The following LZTFL1 variants were observed in gnomAD, a reference collection of about 807,000 sequenced individuals.
The protein encoded by LZTFL1 is leucine zipper transcription factor-like protein 1.
A neutral mutation model predicts 45.9 loss-of-function variants in LZTFL1; 25 were observed. The observed-to-expected ratio is 0.54, with a 90% CI of 0.40 to 0.76. The LOEUF (loss-of-function observed/expected upper bound fraction) is 0.76. LZTFL1 is among the 30% of genes least tolerant of loss of function. The pLI is 0.00. For synonymous variants in LZTFL1, 93 were observed against 117.4 expected (o/e 0.79, Z 1.35); for missense variants, 277 against 331.1 (o/e 0.84, Z 1.27).
At chr3:45,844,766 A>C (rs1212452173), upstream of LZTFL1, among the ~76,000 whole-genome samples, 1 of 152,250 alleles carries the variant, frequency 6.6e-6, no homozygotes, top group African/African-American at 2.4e-5. Context: ...TGAAGTAGGC[A>C]AGAGGCTATT....
upstream of LZTFL1, among the ~76,000 whole-genome samples, chr3:45,842,936 C>CA (rs1701155871): frequency 6.6e-6 from 1 of 152,210 alleles, no homozygotes; most frequent in African/African-American, 2.4e-5. Flanking sequence ...ACCAGGGACT[C>CA]AGAGTCCTTC....
intron 2 of LZTFL1, among the ~76,000 whole-genome samples, chr3:45,836,690 T>C (rs1468096406): frequency 1.3e-5 from 2 of 152,076 alleles, no homozygotes; most frequent in Non-Finnish European, 2.9e-5. Context: ...TACTCTTACA[T>C]AGAGAATGCT....
In LZTFL1 at chr3:45,895,184, T is replaced by C. The variant is rs565975779; in HGVS notation, c.-215+17936A>G. ...GGTATGTTGTGGAGACAGAGGAAAA[T>C]GTGGTGTTATAAACAGCTAAGGATT... On this transcript the variant is annotated intron_variant, in intron 2 of 4. Transcript: ENST00000472635. The C allele has an allele frequency of 7.4e-4, 420 of 567,138 alleles. 1 individual carries two copies. Among genetic ancestry groups the C allele is most frequent in the Non-Finnish European group, 7.7e-4 (244 of 318,916 alleles). The allele number at this position is 567,138 out of a possible 1,614,324, so 35.1% of individuals were successfully genotyped here. A position where few individuals can be genotyped will look rare whatever the true frequency, so the allele number is the denominator to read the frequency against.
At chr3:45,880,564 AC>A (rs1410456297) in intron 2 of LZTFL1, among the ~76,000 whole-genome samples, 1 of 152,116 alleles carries the variant, frequency 6.6e-6, no homozygotes, top group Admixed American at 6.6e-5. Context: ...CTTTCTGTAC[AC>A]CTGGCATCAG....
At chr3:45,897,626 C>A in intron 2 of LZTFL1, 1 of 1,534,530 alleles carries the variant, frequency 6.5e-7, no homozygotes. Flanking sequence ...CCTTCCAGGA[C>A]CTTAGCCCAG....
intron 2 of LZTFL1, among the ~76,000 whole-genome samples, chr3:45,907,822 CTG>C (rs1702711004): frequency 6.6e-6 from 1 of 152,212 alleles, no homozygotes. Context: ...CAGCCACGGA[CTG>C]TGCGTGTTCT....
Position 45,842,094 on chromosome 3 carries a change from G to A in LZTFL1, c.-103C>T, listed in dbSNP as rs551085477. 2.6e-6 allele frequency: 4 copies of A among 1,565,478 alleles called. No individual in the cohort carries two copies. The highest frequency in any genetic ancestry group is 2.4e-5 in the East Asian group (1 of 42,334). The stretch of plus-strand genomic sequence containing the variant: ...TAGTTGGACCACAGAAAATGGGGAA[G>A]GAGGGTAGGTTGTTTAGAAGCCTCT... On this transcript the variant is annotated 5_prime_UTR_variant, in exon 1 of 10. Transcript: ENST00000296135.
intron 2 of LZTFL1, among the ~76,000 whole-genome samples, chr3:45,890,446 G>A (rs1199564328): frequency 1.4e-5 from 2 of 145,036 alleles, no homozygotes; most frequent in African/African-American, 2.6e-5. Flanking sequence ...AAAATTTGCT[G>A]AGTTGAGGTC....
At chr3:45,897,531 T>G in intron 2 of LZTFL1, 2 of 1,469,596 alleles carry the variant, frequency 1.4e-6, no homozygotes, top group Non-Finnish European at 9.2e-7. Flanking sequence ...CTGGGATTTC[T>G]GCACAATTTC....
intron 2 of LZTFL1, among the ~76,000 whole-genome samples, chr3:45,887,883 AT>A (rs1702030851): frequency 6.6e-6 from 1 of 151,432 alleles, no homozygotes; most frequent in South Asian, 2.1e-4. Flanking sequence ...AAGCAGAGCT[AT>A]GAAAAAATGT....
intron 1 of LZTFL1, among the ~76,000 whole-genome samples, chr3:45,839,939 T>C (rs556448502): frequency 1.3e-5 from 2 of 152,350 alleles, no homozygotes; most frequent in African/African-American, 4.8e-5. Flanking sequence ...ACCTAGCATA[T>C]ATAATCTCTG....
intron 2 of LZTFL1, among the ~76,000 whole-genome samples, chr3:45,896,239 G>C (rs1245053884): frequency 6.6e-6 from 1 of 152,220 alleles, no homozygotes; most frequent in Non-Finnish European, 1.5e-5. Flanking sequence ...GGCTGCTTCT[G>C]AGCTTGCCAG....
chr3:45,897,044 A>G (rs1702378107), intron 2 of LZTFL1, among the ~76,000 whole-genome samples: 1 of 152,162 alleles, frequency 6.6e-6, no homozygotes, highest in African/African-American at 2.4e-5. Context: ...AGGACTCCTG[A>G]GGGAAGAGGA....
At chr3:45,867,147 CAAAAAAAA>C (rs58937842) in intron 2 of LZTFL1, among the ~76,000 whole-genome samples, 1 of 63,258 alleles carries the variant, frequency 1.6e-5, no homozygotes, top group South Asian at 6.2e-4. Flanking sequence ...GACTCAATCT[CAAAAAAAA>C]AAAAAAAAAA....
chr3:45,841,704 A>G, intron 1 of LZTFL1: 1 of 561,186 alleles, frequency 1.8e-6, no homozygotes, highest in Non-Finnish European at 3.2e-6. Flanking sequence ...CCTGCCACCT[A>G]AGAGTTGTGC....
intron 2 of LZTFL1, among the ~76,000 whole-genome samples, chr3:45,880,058 T>C (rs1033440443): frequency 6.6e-6 from 1 of 152,106 alleles, no homozygotes. Flanking sequence ...GAAGGGACAG[T>C]GACAGGCAGA....
intron 3 of LZTFL1, among the ~76,000 whole-genome samples, chr3:45,857,132 A>C (rs1483691218): frequency 6.6e-6 from 1 of 152,250 alleles, no homozygotes; most frequent in African/African-American, 2.4e-5. Context: ...AATGCTCATC[A>C]ATGATAGACT....
rs1165865637 is a variant in LZTFL1, at chr3:45,831,210, C to T, written c.457-72G>A. 7.1e-5 allele frequency: 59 copies of T among 834,844 alleles called. 1 individual carries two copies. The East Asian group carries it at 1.6e-3, about 23-fold the overall frequency. The allele number at this position is 834,844 out of a possible 1,614,324, so 51.7% of individuals were successfully genotyped here. A position where few individuals can be genotyped will look rare whatever the true frequency, so the allele number is the denominator to read the frequency against. On this transcript the variant is annotated intron_variant, in intron 5 of 9. Coordinates refer to ENST00000296135, the MANE Select transcript of LZTFL1 (RefSeq NM_020347.4). ...ATATTTGAAATTATTACTTGTTTCA[C>T]TTAAAAATCTAATTTTTAAATTTAA...
upstream of LZTFL1, among the ~76,000 whole-genome samples, chr3:45,844,909 C>T (rs1229428343): frequency 6.6e-6 from 1 of 152,088 alleles, no homozygotes; most frequent in African/African-American, 2.4e-5. Flanking sequence ...AATACAACTC[C>T]CTCTAAGAAT....
Sources: gnomAD v4.1 joint callset for allele counts (sites outside exome capture counted in the v4.1 genomes callset) on GRCh38, gnomAD v4.1.1 for gene constraint, MANE v1.5 for transcripts, NCBI Gene and HGNC (gene_info 2026-07-23, HGNC 2026-07-21) for gene names.